PIK3C3: variants seen among roughly 807,000 people sequenced by gnomAD.
PIK3C3 encodes PI3-kinase type 3.
PIK3C3 carries 95 observed loss-of-function variants against 126.1 expected under a neutral mutation model. The ratio of observed to expected loss-of-function variants is 0.75; its 90% CI spans 0.64 to 0.89. The LOEUF (loss-of-function observed/expected upper bound fraction) is 0.89, where lower values mean the gene tolerates loss of function less well. PIK3C3 is among the 40% of genes least tolerant of loss of function. The pLI, the probability that PIK3C3 is intolerant of heterozygous loss-of-function variation, is 0.00. For missense variants in PIK3C3, 829 were observed against 1,063.2 expected (o/e 0.78, Z 3.06); for synonymous variants, 374 against 360.0 (o/e 1.04, Z -0.44).
chr18:42,003,124 A>G (rs1201993177), intron 9 of PIK3C3, among the ~76,000 whole-genome samples: 3 of 152,166 alleles, frequency 2.0e-5, no homozygotes, highest in African/African-American at 4.8e-5. Context: ...GACAATCTCC[A>G]TAGTGCCGTT....
In PIK3C3 at chr18:41,970,062, C is replaced by T. The variant is rs199897776; in HGVS notation, c.402-265C>T. Among the ~76,000 whole-genome samples the T allele has an allele frequency of 3.1e-4, 47 of 152,284 alleles. 1 individual carries two copies. In the East Asian group the frequency reaches 6.9e-3, roughly 23 times the overall value. The stretch of plus-strand genomic sequence containing the variant: ...TGATGAAATGTGTGTGCTCATTTCT[C>T]ATCCTTCTCTCCTTCCACTCTCTGT... On this transcript the variant is annotated intron_variant, in intron 3 of 24. Coordinates refer to ENST00000262039, the MANE Select transcript of PIK3C3 (RefSeq NM_002647.4).
intron 7 of PIK3C3, among the ~76,000 whole-genome samples, chr18:41,993,553 G>A (rs1981883095): frequency 1.3e-5 from 2 of 152,004 alleles, no homozygotes; most frequent in African/African-American, 4.8e-5. Context: ...GGTAGAGTAG[G>A]GTTGGGCATC....
At position 42,054,132 on chromosome 18, in the gene PIK3C3, A is replaced by G. The variant is rs4988830; in HGVS notation, c.2264-3751A>G. Among the ~76,000 whole-genome samples the G allele has an allele frequency of 4.4e-4, 9 of 20,248 alleles. 1 individual carries two copies. Among genetic ancestry groups the G allele is most frequent in the South Asian group, 3.8e-3 (3 of 790 alleles). The allele number at this position is 20,248 out of a possible 152,430, so 13.3% of individuals were successfully genotyped here. Reference sequence around the variant, plus strand: ...TAGAGGGACAGAACTAATGGTATATATATATATATATATATATATATATAT... The same window carrying G: ...TAGAGGGACAGAACTAATGGTATATGTATATATATATATATATATATATAT... On this transcript the variant is annotated intron_variant, in intron 21 of 24. Transcript: ENST00000262039.
At chr18:41,993,729 A>G (rs1471399682) in intron 7 of PIK3C3, among the ~76,000 whole-genome samples, 1 of 152,122 alleles carries the variant, frequency 6.6e-6, no homozygotes, top group Non-Finnish European at 1.5e-5. Context: ...TATAACCAGG[A>G]TGAATGCGTG....
chr18:41,988,296 A>G (rs1313056993), intron 5 of PIK3C3, among the ~76,000 whole-genome samples: 1 of 152,102 alleles, frequency 6.6e-6, no homozygotes, highest in East Asian at 1.9e-4. Context: ...CAATTAATTT[A>G]TTACTTGTCT....
At position 42,068,009 on chromosome 18, in the gene PIK3C3, G is replaced by A. The variant is rs569776243; in HGVS notation, c.2649+496G>A. Among the ~76,000 whole-genome samples, 8 of 152,314 alleles carry A rather than the reference G, an allele frequency of 5.3e-5. No homozygotes were observed. In the South Asian group the frequency reaches 1.7e-3, roughly 32 times the overall value. Reference sequence around the variant, plus strand: ...TTAAAACCCATTTTAATTATGAATTGCATAATAAGGATGACTATGAAAATG... The same window carrying A: ...TTAAAACCCATTTTAATTATGAATTACATAATAAGGATGACTATGAAAATG... On this transcript the variant is annotated intron_variant, in intron 24 of 24. Transcript: ENST00000262039.
At chr18:41,979,448 T>C (rs985657284) in intron 4 of PIK3C3, among the ~76,000 whole-genome samples, 2 of 152,198 alleles carry the variant, frequency 1.3e-5, no homozygotes, top group South Asian at 2.1e-4. Flanking sequence ...TTTAGAGATA[T>C]GATTTAAGAA....
At chr18:42,055,501 T>G (rs1985023567) in intron 21 of PIK3C3, among the ~76,000 whole-genome samples, 1 of 152,064 alleles carries the variant, frequency 6.6e-6, no homozygotes, top group African/African-American at 2.4e-5. Context: ...ATTTCTAGGT[T>G]TAGTGATAGG....
intron 21 of PIK3C3, among the ~76,000 whole-genome samples, chr18:42,053,982 C>A (rs191196152): frequency 1.3e-4 from 19 of 151,066 alleles, no homozygotes; most frequent in Middle Eastern, 3.4e-3. Flanking sequence ...GTCTGCCTTG[C>A]CACTTTAGAG....
intron 24 of PIK3C3, among the ~76,000 whole-genome samples, chr18:42,080,641 T>G (rs976478066): frequency 4.6e-5 from 7 of 152,278 alleles, no homozygotes; most frequent in African/African-American, 1.7e-4. Flanking sequence ...CCAAAACAGC[T>G]CTTCACTAGG....
chr18:42,062,606 T>C (rs1985367030), intron 22 of PIK3C3, among the ~76,000 whole-genome samples: 1 of 152,104 alleles, frequency 6.6e-6, no homozygotes, highest in African/African-American at 2.4e-5. Flanking sequence ...TTCTGGACAT[T>C]TATTTTTGCC....
intron 6 of PIK3C3, among the ~76,000 whole-genome samples, chr18:41,991,826 AT>A (rs1449321594): frequency 6.6e-6 from 1 of 151,704 alleles, no homozygotes; most frequent in Non-Finnish European, 1.5e-5. Context: ...ATTATTTAAC[AT>A]TGTTTATTAA....
chr18:41,970,374 A>T lies in PIK3C3; in HGVS notation c.449A>T (p.Glu150Val). The T allele has an allele frequency of 6.2e-7, 1 of 1,613,204 alleles. No homozygotes were observed. The highest frequency in any genetic ancestry group is 8.5e-7 in the Non-Finnish European group (1 of 1,179,200). Residue 150 changes from glutamate to valine, a missense_variant, in exon 4 of 25, where the codon GAA (glutamate) becomes GTA (valine). Glu to Val is a moderately radical substitution (Grantham distance 121). Around this residue, in one of 4 missense-constraint regions of PIK3C3, gnomAD observed 313 missense variants for 340.7 expected, o/e 0.92. Transcript: ENST00000262039. ...GACTTGAAAGTCTGGCCTAATGTAG[A>T]AGCAGATGGATCAGAACCCACAAAA... ...MHDLKVWPNV[E>V]ADGSEPTKTP...
chr18:42,031,969 T>C (rs1490126087), intron 15 of PIK3C3, among the ~76,000 whole-genome samples: 2 of 152,158 alleles, frequency 1.3e-5, no homozygotes. Flanking sequence ...ATAAATAAAA[T>C]GTATATAGTG....
At chr18:42,009,412 G>A (rs1982697167) in intron 10 of PIK3C3, among the ~76,000 whole-genome samples, 1 of 152,096 alleles carries the variant, frequency 6.6e-6, no homozygotes, top group African/African-American at 2.4e-5. Context: ...GAACAAAAGA[G>A]AAATATACAG....
Position 42,015,535 on chromosome 18 carries a change from C to G in PIK3C3, c.1385C>G (p.Thr462Arg). The change falls in exon 12 of 25, where the codon ACA becomes AGA. Residue 462 changes from threonine (T) to arginine (R), a missense_variant. Physicochemically the swap from Thr to Arg is moderately conservative, Grantham distance 71. This residue lies in a region of PIK3C3 where 256 missense variants were observed against 291.0 expected (regional missense o/e 0.88). Transcript: ENST00000262039. ...TCTTCACCTCCTCCTGCATCAAAAA[C>G]AAAAGAAGTTCCAGATGGCGAAAAT... ...SVSSPPPASK[T>R]KEVPDGENLE... 6.2e-7 allele frequency: 1 copy of G among 1,613,700 alleles called. No individual in the cohort carries two copies. The highest frequency in any genetic ancestry group is 8.5e-7 in the Non-Finnish European group (1 of 1,179,806).
At chr18:42,012,640 T>C (rs1982882349) in intron 10 of PIK3C3, among the ~76,000 whole-genome samples, 1 of 152,210 alleles carries the variant, frequency 6.6e-6, no homozygotes, top group Admixed American at 6.6e-5. Context: ...TATAGAGAAA[T>C]ACTGGAAGCA....
intron 6 of PIK3C3, 72 bp downstream of exon 6, chr18:41,990,626 C>A: frequency 2.5e-6 from 2 of 793,288 alleles, no homozygotes; most frequent in Non-Finnish European, 4.2e-6. Context: ...TATTGTTGTT[C>A]CTGCTGGGAT....
Position 42,020,661 on chromosome 18 carries a change from A to T in PIK3C3, c.1440A>T (p.Ile480=). The change falls in exon 13 of 25, where the codon ATA becomes ATT. Residue 480 remains isoleucine, a synonymous_variant. Coordinates refer to ENST00000262039, the MANE Select transcript of PIK3C3 (RefSeq NM_002647.4). ...AGCAAGATCTCTGTACCTTCTTGAT[A>T]TCGAGAGCCTGCAAAAACTCAACAC... is the stretch of plus-strand genomic sequence containing the variant. ...NLEQDLCTFL[I]SRACKNSTLA... 2 of 1,604,842 alleles carry T rather than the reference A, an allele frequency of 1.2e-6. No homozygotes were observed. Among genetic ancestry groups the T allele is most frequent in the Non-Finnish European group, 1.7e-6 (2 of 1,172,698 alleles).
Sources: gnomAD v4.1 joint callset for allele counts (sites outside exome capture counted in the v4.1 genomes callset) on GRCh38, gnomAD v4.1.1 for gene constraint, gnomAD v4.1.1 regional missense constraint, MANE v1.5 for transcripts, NCBI Gene and HGNC (gene_info 2026-07-23, HGNC 2026-07-21) for gene names.